The following SYT16 variants were observed in gnomAD, a reference collection of about 807,000 sequenced individuals.
SYT16 encodes the protein synaptotagmin 16.
SYT16 carries 42 observed loss-of-function variants against 61.4 expected under a neutral mutation model. That is an observed-to-expected ratio of 0.68 (90% CI 0.53 to 0.89). The LOEUF (loss-of-function observed/expected upper bound fraction) is 0.89. Ranked by LOEUF, SYT16 falls within the 40% of genes least tolerant of loss-of-function variation. The probability of loss-of-function intolerance (pLI) is 0.00; values close to 1 mark genes in which losing one functional copy is unlikely to be tolerated. For synonymous variants in SYT16, 314 were observed against 302.3 expected (o/e 1.04, Z -0.40); for missense variants, 804 against 807.3 (o/e 1.00, Z 0.05).
intron 1 of SYT16, among the ~76,000 whole-genome samples, chr14:61,918,904 G>A (rs2049223790): frequency 6.6e-6 from 1 of 152,160 alleles, no homozygotes; most frequent in African/African-American, 2.4e-5. Context: ...CCAGGGAAAT[G>A]TAGAGGAGAG....
intron 1 of SYT16, among the ~76,000 whole-genome samples, chr14:61,853,454 G>A (rs1390624299): frequency 3.3e-5 from 5 of 152,160 alleles, no homozygotes; most frequent in Admixed American, 1.3e-4. Flanking sequence ...ATTAGGAAGA[G>A]GTGATAAGGT....
rs2046986361 is a variant in SYT16, at chr14:61,862,200, A to G, written c.-325+49390A>G. ...TTGACAAGTGTGTAGTTTTGAAACT[A>G]CCACCACATTCATCTTGTAGAACAT... On this transcript the variant is annotated intron_variant, in intron 1 of 7. Transcript: ENST00000683842. Among the ~76,000 whole-genome samples, 3 of 152,186 alleles carry G rather than the reference A, an allele frequency of 2.0e-5. 1 individual carries two copies. In the South Asian group the frequency reaches 6.2e-4, roughly 32 times the overall value.
chr14:61,939,359 A>G (rs549322129), intron 1 of SYT16, among the ~76,000 whole-genome samples: 5 of 152,326 alleles, frequency 3.3e-5, no homozygotes, highest in African/African-American at 1.2e-4. Flanking sequence ...GCACACCTAC[A>G]GTTTACGAAA....
chr14:61,926,519 T>C (rs1038168841), intron 1 of SYT16, among the ~76,000 whole-genome samples: 9 of 152,176 alleles, frequency 5.9e-5, no homozygotes, highest in Non-Finnish European at 8.8e-5. Flanking sequence ...ACCAGGAGAA[T>C]AAGAGTGTAA....
chr14:61,832,426 G>T, intron 1 of SYT16: 1 of 456,202 alleles, frequency 2.2e-6, no homozygotes, highest in South Asian at 1.7e-5. Context: ...CGCGACCCCA[G>T]TAGTTCTTTT....
At chr14:61,957,496 G>C (rs2050925076) in intron 1 of SYT16, among the ~76,000 whole-genome samples, 1 of 151,930 alleles carries the variant, frequency 6.6e-6, no homozygotes, top group Non-Finnish European at 1.5e-5. Flanking sequence ...TACTTATTGA[G>C]AGTTTTTCAA....
At chr14:61,857,091 T>C (rs1272383158) in intron 1 of SYT16, among the ~76,000 whole-genome samples, 1 of 151,912 alleles carries the variant, frequency 6.6e-6, no homozygotes, top group Non-Finnish European at 1.5e-5. Context: ...AGAAGTGAGA[T>C]AGTGAAAGAA....
At chr14:61,837,892 G>C (rs1439724689) in intron 1 of SYT16, among the ~76,000 whole-genome samples, 1 of 152,188 alleles carries the variant, frequency 6.6e-6, no homozygotes, top group East Asian at 1.9e-4. Flanking sequence ...GATTGCTTCT[G>C]CCTTTAGCTT....
intron 1 of SYT16, among the ~76,000 whole-genome samples, chr14:61,935,573 A>T (rs2049947721): frequency 6.6e-6 from 1 of 152,152 alleles, no homozygotes. Context: ...AGGGTAAGAA[A>T]ACCGATCTAG....
intron 5 of SYT16, among the ~76,000 whole-genome samples, chr14:62,077,851 G>A (rs926350857): frequency 6.6e-6 from 1 of 152,118 alleles, no homozygotes; most frequent in African/African-American, 2.4e-5. Context: ...GGAGTTCTTA[G>A]GACAGTCAGG....
At chr14:61,956,891 T>A (rs184615116) in intron 1 of SYT16, among the ~76,000 whole-genome samples, 4 of 152,038 alleles carry the variant, frequency 2.6e-5, no homozygotes, top group East Asian at 3.9e-4. Context: ...AGATTTTTTT[T>A]AAATCTGTAC....
At chr14:62,014,347 A>G (rs2053582629) in intron 3 of SYT16, among the ~76,000 whole-genome samples, 1 of 151,954 alleles carries the variant, frequency 6.6e-6, no homozygotes, top group South Asian at 2.1e-4. Context: ...CCTTGCCTAT[A>G]TTTTGTTCAG....
intron 1 of SYT16, among the ~76,000 whole-genome samples, chr14:61,841,237 C>T (rs1323682383): frequency 6.6e-6 from 1 of 151,918 alleles, no homozygotes; most frequent in Non-Finnish European, 1.5e-5. Flanking sequence ...TATTCAAGTT[C>T]AAAAAAGAAA....
At chr14:61,857,896 C>T (rs969938130) in intron 1 of SYT16, among the ~76,000 whole-genome samples, 2 of 151,948 alleles carry the variant, frequency 1.3e-5, no homozygotes, top group African/African-American at 4.8e-5. Context: ...GTCTGTCTGT[C>T]TGTCATTTTG....
intron 1 of SYT16, among the ~76,000 whole-genome samples, chr14:61,852,841 A>G (rs1043513595): frequency 6.6e-6 from 1 of 152,228 alleles, no homozygotes; most frequent in Non-Finnish European, 1.5e-5. Flanking sequence ...AAAGTTAATT[A>G]GGATTTTTAA....
intron 3 of SYT16, among the ~76,000 whole-genome samples, chr14:62,019,291 TA>T (rs1285184827): frequency 6.6e-6 from 1 of 152,234 alleles, no homozygotes; most frequent in Non-Finnish European, 1.5e-5. Flanking sequence ...AATGTGGAAC[TA>T]AACACAGAAA....
intron 3 of SYT16, among the ~76,000 whole-genome samples, chr14:62,012,682 A>T (rs1404002351): frequency 6.6e-6 from 1 of 152,162 alleles, no homozygotes; most frequent in Non-Finnish European, 1.5e-5. Context: ...AGCTACTTAC[A>T]TGCCTTCATG....
intron 1 of SYT16, among the ~76,000 whole-genome samples, chr14:61,964,148 G>A (rs990447235): frequency 2.0e-5 from 3 of 152,104 alleles, no homozygotes; most frequent in African/African-American, 7.2e-5. Flanking sequence ...ATGGGTTCAA[G>A]GAGTAAGTTC....
Position 61,939,089 on chromosome 14 carries a change from C to T in SYT16, c.-324-31043C>T, listed in dbSNP as rs111857669. On this transcript the variant is annotated intron_variant, in intron 1 of 7. Coordinates refer to ENST00000683842, the MANE Select transcript of SYT16 (RefSeq NM_001367656.1). ...GGCAGAGGTTGTAGTGAGCTGAGAT[C>T]GTGCCACTGCACTCCAGCCTGGGCA... 7.8e-3 allele frequency among the ~76,000 whole-genome samples: 1,186 copies of T among 152,192 alleles called. 14 individuals are homozygous for T. Among genetic ancestry groups the T allele is most frequent in the African/African-American group, 0.026 (1,090 of 41,496 alleles).
Sources: allele counts gnomAD v4.1 joint callset (sites outside exome capture counted in the v4.1 genomes callset), GRCh38; gene constraint gnomAD v4.1.1; transcripts MANE v1.5; gene names NCBI Gene and HGNC (gene_info 2026-07-23, HGNC 2026-07-21).